The following SAMSN1 variants were observed in gnomAD, a reference collection of about 807,000 sequenced individuals.
SAMSN1 encodes the protein SAM domain, SH3 domain and nuclear localization signals 1.
A neutral mutation model predicts 42.0 loss-of-function variants in SAMSN1; 31 were observed. The ratio of observed to expected loss-of-function variants is 0.74; its 90% CI spans 0.55 to 1.00. SAMSN1 has a LOEUF of 1.00. Ranked by LOEUF, SAMSN1 falls within the 50% of genes least tolerant of loss-of-function variation. The probability of loss-of-function intolerance (pLI) is 0.00; values close to 1 mark genes in which losing one functional copy is unlikely to be tolerated. For synonymous variants in SAMSN1, 178 were observed against 151.9 expected, an observed-to-expected ratio of 1.17 and a Z score of -1.26; for missense variants, 464 against 439.4, an observed-to-expected ratio of 1.06 and a Z score of -0.50.
chr21:14,581,962 T>A (rs575013996), intron 2 of SAMSN1, among the ~76,000 whole-genome samples: 1 of 152,296 alleles, frequency 6.6e-6, no homozygotes, highest in South Asian at 2.1e-4. Flanking sequence ...ATATGAAATG[T>A]TAATATGGGT....
chr21:14,583,843 T>A, upstream of SAMSN1: 1 of 679,060 alleles, frequency 1.5e-6, no homozygotes. Flanking sequence ...TAAAATATGT[T>A]GAGATCATAA....
chr21:14,501,641 A>G (rs910339056), intron 5 of SAMSN1, among the ~76,000 whole-genome samples: 2 of 152,214 alleles, frequency 1.3e-5, no homozygotes, highest in Non-Finnish European at 2.9e-5. Flanking sequence ...ATGGTATAAA[A>G]TAAACCCATT....
At chr21:14,577,209 C>A (rs1247980144) in intron 2 of SAMSN1, among the ~76,000 whole-genome samples, 2 of 121,324 alleles carry the variant, frequency 1.6e-5, no homozygotes, top group East Asian at 2.4e-4. Flanking sequence ...GTGCATGTCA[C>A]CATGGTGGGC....
chr21:14,567,152 C>T (rs998188050), intron 2 of SAMSN1, among the ~76,000 whole-genome samples: 14 of 151,812 alleles, frequency 9.2e-5, no homozygotes, highest in Non-Finnish European at 1.5e-4. Context: ...AGAAAGCCAT[C>T]CACTAAAACA....
upstream of SAMSN1, among the ~76,000 whole-genome samples, chr21:14,548,939 T>C (rs894795979): frequency 3.3e-5 from 5 of 152,172 alleles, no homozygotes; most frequent in African/African-American, 7.2e-5. Context: ...TAACATGTAT[T>C]CTGAAATAGG....
intron 1 of SAMSN1, among the ~76,000 whole-genome samples, chr21:14,644,125 A>G (rs1983660604): frequency 6.6e-6 from 1 of 152,170 alleles, no homozygotes; most frequent in South Asian, 2.1e-4. Flanking sequence ...TGTGTGTCTC[A>G]GTGTGAACTA....
intron 2 of SAMSN1, among the ~76,000 whole-genome samples, chr21:14,519,376 G>T (rs1180929852): frequency 6.6e-6 from 1 of 152,180 alleles, no homozygotes; most frequent in African/African-American, 2.4e-5. Context: ...TCTTGTACAG[G>T]TTAATTCCAG....
intron 1 of SAMSN1, among the ~76,000 whole-genome samples, chr21:14,656,561 C>T (rs114713369): frequency 2.8e-3 from 425 of 151,834 alleles, no homozygotes; most frequent in African/African-American, 9.3e-3. Context: ...CTCATCATGA[C>T]GTAAAACTCT....
chr21:14,523,557 C>A (rs1026752999), intron 1 of SAMSN1, among the ~76,000 whole-genome samples: 9 of 152,178 alleles, frequency 5.9e-5, no homozygotes, highest in South Asian at 4.1e-4. Flanking sequence ...GCTCAGCAAT[C>A]ACAGAAGGGA....
upstream of SAMSN1, among the ~76,000 whole-genome samples, chr21:14,548,383 A>T (rs1980497338): frequency 6.6e-6 from 1 of 152,156 alleles, no homozygotes; most frequent in Non-Finnish European, 1.5e-5. Flanking sequence ...GCTATAGGTT[A>T]CATTTCTCCA....
At chr21:14,605,954 T>G (rs974663984) in intron 5 of SAMSN1, among the ~76,000 whole-genome samples, 20 of 151,802 alleles carry the variant, frequency 1.3e-4, no homozygotes, top group South Asian at 4.2e-4. Context: ...CCATTCTCCT[T>G]CCTCAGCCTC....
chr21:14,594,710 A>G (rs1225320759), intron 6 of SAMSN1: 1 of 152,220 alleles, frequency 6.6e-6, no homozygotes, highest in Non-Finnish European at 1.5e-5. Context: ...TCAGGACTGC[A>G]GCAAAGGGCA....
At chr21:14,495,580 C>T (rs1986884335) in intron 7 of SAMSN1, 1 of 151,966 alleles carries the variant, frequency 6.6e-6, no homozygotes, top group Non-Finnish European at 1.5e-5. Flanking sequence ...CAGAATTTGG[C>T]TCTGTGTATG....
chr21:14,551,977 G>A (rs1328196481), intron 2 of SAMSN1, among the ~76,000 whole-genome samples: 1 of 152,078 alleles, frequency 6.6e-6, no homozygotes, highest in Non-Finnish European at 1.5e-5. Context: ...TGACTGTTCG[G>A]GTCAGGAATG....
upstream of SAMSN1, among the ~76,000 whole-genome samples, chr21:14,548,552 G>T (rs962470329): frequency 6.6e-6 from 1 of 151,906 alleles, no homozygotes; most frequent in Non-Finnish European, 1.5e-5. Context: ...AACATTACAA[G>T]AAATGTTTAA....
chr21:14,521,355 G>A, intron 1 of SAMSN1, 134 bp from the exon 2 acceptor site: 1 of 578,410 alleles, frequency 1.7e-6, no homozygotes, highest in South Asian at 2.6e-5. Context: ...CTTCTCTCTG[G>A]AATATCCAAA....
intron 1 of SAMSN1, among the ~76,000 whole-genome samples, chr21:14,526,067 C>T (rs368129578): frequency 3.3e-5 from 5 of 152,032 alleles, no homozygotes; most frequent in African/African-American, 7.3e-5. Flanking sequence ...AGGGTTTGAC[C>T]GTGTTAGCCA....
intron 2 of SAMSN1, chr21:14,582,000 T>C (rs1448972843): frequency 2.6e-6 from 2 of 777,450 alleles, no homozygotes; most frequent in Non-Finnish European, 1.9e-6. Flanking sequence ...GGTTGCTTTT[T>C]GGAAAGACAA....
At chr21:14,599,009 G>A (rs1982353628) in intron 6 of SAMSN1, among the ~76,000 whole-genome samples, 4 of 152,264 alleles carry the variant, frequency 2.6e-5, no homozygotes, top group East Asian at 1.9e-4. Context: ...CCATGAGGCT[G>A]TTGTCTTCCA....
Sources: gnomAD v4.1 joint callset for allele counts (sites outside exome capture counted in the v4.1 genomes callset) on GRCh38, gnomAD v4.1.1 for gene constraint, MANE v1.5 for transcripts, NCBI Gene and HGNC (gene_info 2026-07-23, HGNC 2026-07-21) for gene names.